Variants in OTOGL observed in about 807,000 individuals in gnomAD.
The protein encoded by OTOGL is otogelin like.
Under a neutral mutation model 318.5 loss-of-function variants are expected in OTOGL, and 285 were observed. The ratio of observed to expected loss-of-function variants is 0.89; its 90% CI spans 0.81 to 0.99. The LOEUF (loss-of-function observed/expected upper bound fraction) is 0.99, where lower values mean the gene tolerates loss of function less well. OTOGL is among the 50% of genes least tolerant of loss of function. The pLI is 0.00. For missense variants in OTOGL, 2,899 were observed against 2,845.6 expected, an observed-to-expected ratio of 1.02 and a Z score of -0.43; for synonymous variants, 987 against 936.5, an observed-to-expected ratio of 1.05 and a Z score of -0.99.
At chr12:80,305,289 C>G (rs1229480567) in intron 28 of OTOGL, among the ~76,000 whole-genome samples, 1 of 152,068 alleles carries the variant, frequency 6.6e-6, no homozygotes, top group East Asian at 1.9e-4. Context: ...TTGAATTATA[C>G]TTTTCAAAGT....
At chr12:80,368,411 C>T (rs1035532555) in intron 55 of OTOGL, 102 bp downstream of exon 55, 1 of 663,710 alleles carries the variant, frequency 1.5e-6, no homozygotes, top group Admixed American at 2.6e-5. Context: ...GCACTGCATA[C>T]AATAAACACA....
intron 1 of OTOGL, among the ~76,000 whole-genome samples, chr12:80,172,588 T>C (rs976616780): frequency 6.6e-6 from 1 of 151,504 alleles, no homozygotes; most frequent in African/African-American, 2.4e-5. Flanking sequence ...TTCCTTTTTC[T>C]ATCTGATTTT....
intron 26 of OTOGL, among the ~76,000 whole-genome samples, chr12:80,280,328 T>C (rs1004050332): frequency 6.6e-6 from 1 of 152,026 alleles, no homozygotes; most frequent in Non-Finnish European, 1.5e-5. Flanking sequence ...TTTTTGTTTT[T>C]GTTGCAATTG....
chr12:80,119,115 A>G (rs907437695), intron 1 of OTOGL, among the ~76,000 whole-genome samples: 4 of 152,188 alleles, frequency 2.6e-5, no homozygotes, highest in Non-Finnish European at 5.9e-5. Context: ...AAACAGCATC[A>G]AGGGGCTGAC....
intron 34 of OTOGL, among the ~76,000 whole-genome samples, chr12:80,321,388 G>A (rs556482441): frequency 6.6e-6 from 1 of 152,168 alleles, no homozygotes; most frequent in East Asian, 1.9e-4. Context: ...CAACTAATTT[G>A]CCTTTTCTGT....
At chr12:80,293,861 A>G (rs1885209785) in intron 26 of OTOGL, among the ~76,000 whole-genome samples, 1 of 152,124 alleles carries the variant, frequency 6.6e-6, no homozygotes, top group African/African-American at 2.4e-5. Context: ...TGGGGCAGAA[A>G]CCATGGCTGC....
intron 1 of OTOGL, among the ~76,000 whole-genome samples, chr12:80,186,517 A>G (rs141071971): frequency 2.6e-5 from 4 of 152,288 alleles, no homozygotes; most frequent in African/African-American, 9.6e-5. Flanking sequence ...AGTTCTAATC[A>G]TATGATTCAC....
intron 52 of OTOGL, among the ~76,000 whole-genome samples, chr12:80,363,714 C>T (rs190413419): frequency 2.0e-4 from 31 of 152,132 alleles, no homozygotes; most frequent in Admixed American, 1.2e-3. Context: ...ATTCAGAGCT[C>T]CTCTTATTTT....
At chr12:80,326,756 A>C (rs1404376892) in intron 35 of OTOGL, among the ~76,000 whole-genome samples, 1 of 152,222 alleles carries the variant, frequency 6.6e-6, no homozygotes, top group Non-Finnish European at 1.5e-5. Flanking sequence ...TTTTTAAAAA[A>C]TCAATTGTGA....
rs1005121672 is a variant in OTOGL, at chr12:80,229,180, T to C, written c.490-77T>C. The C allele has an allele frequency of 2.4e-5, 36 of 1,475,976 alleles. 1 individual carries two copies. In the South Asian group the frequency reaches 3.3e-4, roughly 13 times the overall value. 91.4% of individuals were successfully genotyped at this position (1,475,976 alleles called of 1,614,324 possible). A position where few individuals can be genotyped will look rare whatever the true frequency, so the allele number is the denominator to read the frequency against. On this transcript the variant is annotated intron_variant, in intron 7 of 58. Transcript: ENST00000547103. Reference sequence around the variant, plus strand: ...TGGGACTAATGAAACTATATGATTGTAAACATACATTGTGGTTTTAATAAC... The same window carrying C: ...TGGGACTAATGAAACTATATGATTGCAAACATACATTGTGGTTTTAATAAC...
At chr12:80,321,966 A>G (rs1887364355) in intron 34 of OTOGL, among the ~76,000 whole-genome samples, 1 of 152,184 alleles carries the variant, frequency 6.6e-6, no homozygotes. Flanking sequence ...CAGCTGAGGG[A>G]CCCTGAAAGC....
At chr12:80,326,263 T>C (rs1887673512) in intron 35 of OTOGL, among the ~76,000 whole-genome samples, 1 of 152,066 alleles carries the variant, frequency 6.6e-6, no homozygotes, top group African/African-American at 2.4e-5. Context: ...TCATGAAAAT[T>C]AGAGCTTTTA....
Position 80,356,803 on chromosome 12 carries a change from G to A in OTOGL, c.5912-4G>A, listed in dbSNP as rs1261273699. 1 of 1,565,122 alleles carries A rather than the reference G, an allele frequency of 6.4e-7. No homozygotes were observed. Among genetic ancestry groups the A allele is most frequent in the Non-Finnish European group, 8.7e-7 (1 of 1,154,106 alleles). ...AATTTTCTAATGTAATTTTGTTTCT[G>A]CAGAATGTGACCCATTGAAATGCCC... On this transcript the variant is annotated splice_region_variant and splice_polypyrimidine_tract_variant and intron_variant, in intron 48 of 58. Transcript: ENST00000547103.
At position 80,302,775 on chromosome 12, in the gene OTOGL, C is replaced by T. The variant is rs1487649250; in HGVS notation, c.3205C>T (p.Gln1069Ter). 2 of 1,503,690 alleles carry T rather than the reference C, an allele frequency of 1.3e-6. No individual in the cohort carries two copies. Among genetic ancestry groups the T allele is most frequent in the Non-Finnish European group, 1.8e-6 (2 of 1,133,330 alleles). 93.1% of individuals were successfully genotyped at this position (1,503,690 alleles called of 1,614,324 possible). ...AACTATTCATATCAAAGTTGGGCCA[C>T]AGTGGAAGGTAGGTCAACCTAAGCT... ...KTTIHIKVGP[Q>*]WKNKLSGLCG... The change falls in exon 28 of 59, where the codon CAG becomes TAG. Residue 1069 changes from glutamine (Q) to a stop codon, truncating the protein, a stop_gained. Transcript: ENST00000547103. LOFTEE classifies it high-confidence loss of function.
intron 54 of OTOGL, among the ~76,000 whole-genome samples, 174 bp downstream of exon 54, chr12:80,367,913 A>G (rs1339019776): frequency 1.3e-5 from 2 of 152,160 alleles, no homozygotes; most frequent in Non-Finnish European, 2.9e-5. Context: ...TTTCCTGTGC[A>G]TAACCTTGAA....
chr12:80,378,299 A>G lies in OTOGL; in HGVS notation c.*251A>G, dbSNP rs535639301. The G allele has an allele frequency of 4.6e-5, 17 of 367,738 alleles. No homozygotes were observed. Among genetic ancestry groups the G allele is most frequent in the African/African-American group, 1.0e-4 (5 of 48,802 alleles). The allele number at this position is 367,738 out of a possible 1,614,324, so 22.8% of individuals were successfully genotyped here. A position where few individuals can be genotyped will look rare whatever the true frequency, so the allele number is the denominator to read the frequency against. On this transcript the variant is annotated 3_prime_UTR_variant, in exon 59 of 59. Transcript: ENST00000547103. ...TCAGCTGAAATGCTGTTATGTATTT[A>G]ATTACAACTTGGTGCAGATACAGTA...
intron 22 of OTOGL, 59 bp downstream of exon 22, chr12:80,267,386 T>A: frequency 1.2e-6 from 1 of 830,626 alleles, no homozygotes; most frequent in East Asian, 4.3e-5. Context: ...ATATAATTCT[T>A]TCTTTTATAT....
chr12:80,202,034 A>G (rs916803215), intron 1 of OTOGL, among the ~76,000 whole-genome samples: 12 of 152,084 alleles, frequency 7.9e-5, no homozygotes, highest in African/African-American at 2.4e-4. Flanking sequence ...CAGATCTCCA[A>G]TCCTGTCAGA....
intron 42 of OTOGL, among the ~76,000 whole-genome samples, chr12:80,338,290 A>G (rs1196780239): frequency 2.0e-5 from 3 of 151,994 alleles, no homozygotes; most frequent in Admixed American, 6.6e-5. Context: ...TTTCTGGGGG[A>G]GGTCACACTT....
Sources: allele counts gnomAD v4.1 joint callset (sites outside exome capture counted in the v4.1 genomes callset), GRCh38; gene constraint gnomAD v4.1.1; transcripts MANE v1.5; gene names NCBI Gene and HGNC (gene_info 2026-07-23, HGNC 2026-07-21).